The following DENND3 variants were observed in gnomAD, a reference collection of about 807,000 sequenced individuals.
DENND3 encodes the protein DENN domain containing 3.
DENND3 carries 88 observed loss-of-function variants against 135.1 expected under a neutral mutation model. The ratio of observed to expected loss-of-function variants is 0.65; its 90% CI spans 0.55 to 0.78. The LOEUF is 0.78. Ranked by LOEUF, DENND3 falls within the 30% of genes least tolerant of loss-of-function variation. The pLI is 0.00. For missense variants in DENND3, 1,392 were observed against 1,688.4 expected, an observed-to-expected ratio of 0.82 and a Z score of 3.08; for synonymous variants, 693 against 712.3, an observed-to-expected ratio of 0.97 and a Z score of 0.43.
At chr8:141,165,749 C>CCACCACT (rs1342340232) in intron 11 of DENND3, among the ~76,000 whole-genome samples, 5 of 152,216 alleles carry the variant, frequency 3.3e-5, no homozygotes, top group African/African-American at 9.6e-5. Flanking sequence ...CAGGCATGAG[C>CCACCACT]CACCACTCCT....
rs1390330734 is a variant in DENND3 at position 141,165,292 on chromosome 8, G to C, written c.1553+3G>C. On this transcript the variant is annotated splice_donor_region_variant and intron_variant, in intron 11 of 22. Coordinates refer to ENST00000519811, the MANE Select transcript of DENND3 (RefSeq NM_001352890.3). ...GACACCCAGTCGGAGGAGGACAGGT[G>C]CTTCACTGTTGTGTTTTGGATCTGC... 1.2e-6 allele frequency: 2 copies of C among 1,612,678 alleles called. No individual in the cohort carries two copies. Among genetic ancestry groups the C allele is most frequent in the Non-Finnish European group, 1.7e-6 (2 of 1,178,658 alleles).
At chr8:141,156,185 T>C (rs982220477) in intron 8 of DENND3, among the ~76,000 whole-genome samples, 3 of 152,068 alleles carry the variant, frequency 2.0e-5, no homozygotes, top group Non-Finnish European at 4.4e-5. Flanking sequence ...CTGCAACCTC[T>C]GCCTCCCACG....
Position 141,168,544 on chromosome 8 carries a change from C to G in DENND3, c.2275+19C>G, listed in dbSNP as rs768639529. The stretch of plus-strand genomic sequence containing the variant: ...ACTGTAGGTAAGAGGAGGCCTGGCA[C>G]CATCACAGATTTTATTATTTAGAGA... On this transcript the variant is annotated intron_variant, in intron 13 of 22. Coordinates refer to ENST00000519811, the MANE Select transcript of DENND3 (RefSeq NM_001352890.3). This position sits in a 1 kb window ranked among gnomAD's most constrained non-coding sequence, Gnocchi z 6.2. 1 of 1,585,436 alleles carries G rather than the reference C, an allele frequency of 6.3e-7. No homozygotes were observed. The highest frequency in any genetic ancestry group is 8.6e-7 in the Non-Finnish European group (1 of 1,163,052).
chr8:141,190,147 GTTA>G (rs906764770), intron 19 of DENND3, 134 bp from the exon 20 acceptor site: 134 of 1,179,474 alleles, frequency 1.1e-4, no homozygotes, highest in Non-Finnish European at 1.4e-4. Flanking sequence ...ATGTTTGCAT[GTTA>G]TTATCATGTT....
intron 5 of DENND3, chr8:141,150,303 T>C (rs1032873283): frequency 7.8e-7 from 1 of 1,282,986 alleles, no homozygotes; most frequent in Non-Finnish European, 1.0e-6. Flanking sequence ...CGTGTCTCAG[T>C]AGCCATTCTG....
At chr8:141,151,416 C>T (rs1818781985) in intron 6 of DENND3, among the ~76,000 whole-genome samples, 1 of 152,084 alleles carries the variant, frequency 6.6e-6, no homozygotes, top group Admixed American at 6.6e-5. Flanking sequence ...TTACAATGAG[C>T]TGGATGTGGA....
rs1589737175 is a variant in DENND3, at chr8:141,194,286, C to G, written c.*53C>G. The stretch of plus-strand genomic sequence containing the variant: ...GTGCCCTATGTGTGGGGACTGGCTG[C>G]CCCCTAGAGCCTGCCAGGAGCAGAA... On this transcript the variant is annotated 3_prime_UTR_variant, in exon 23 of 23. Transcript: ENST00000519811. 1.3e-6 allele frequency: 2 copies of G among 1,570,890 alleles called. No homozygotes were observed. Among genetic ancestry groups the G allele is most frequent in the Non-Finnish European group, 1.7e-6 (2 of 1,156,288 alleles).
chr8:141,192,231 C>G, intron 20 of DENND3, 100 bp from the exon 21 acceptor site: 1 of 1,493,598 alleles, frequency 6.7e-7, no homozygotes, highest in Non-Finnish European at 9.0e-7. Context: ...TGATCCCCCC[C>G]ATCACCACGC....
In DENND3 at chr8:141,194,257, A is replaced by G; in HGVS notation, c.*24A>G. 1 of 1,605,860 alleles carries G rather than the reference A, an allele frequency of 6.2e-7. No individual in the cohort carries two copies. Among genetic ancestry groups the G allele is most frequent in the South Asian group, 1.1e-5 (1 of 89,324 alleles). On this transcript the variant is annotated 3_prime_UTR_variant, in exon 23 of 23. Transcript: ENST00000519811. Reference sequence around the variant, plus strand: ...AAACGTGGCTGAGTCTGCCAAGTGGAACTGTGCCCTATGTGTGGGGACTGG... The same window carrying G: ...AAACGTGGCTGAGTCTGCCAAGTGGGACTGTGCCCTATGTGTGGGGACTGG...
chr8:141,168,628 C>T lies in DENND3; in HGVS notation c.2275+103C>T. 4 of 1,397,352 alleles carry T rather than the reference C, an allele frequency of 2.9e-6. No individual in the cohort carries two copies. Among genetic ancestry groups the T allele is most frequent in the Non-Finnish European group, 3.8e-6 (4 of 1,044,920 alleles). The allele number at this position is 1,397,352 out of a possible 1,614,324, so 86.6% of individuals were successfully genotyped here. ...ACTGGCAATCACAGCTCACTGCAAC[C>T]TCCACCTCCTGGGCTCAAGCAGTCC... On this transcript the variant is annotated intron_variant, in intron 13 of 22. Transcript: ENST00000519811. This position sits in a 1 kb window ranked among gnomAD's most constrained non-coding sequence, Gnocchi z 6.2.
chr8:141,129,512 T>C (rs1815674641), intron 1 of DENND3: 1 of 152,168 alleles, frequency 6.6e-6, no homozygotes, highest in Non-Finnish European at 1.5e-5. Context: ...TTTTGGAAAT[T>C]CTCGTTTTCC....
intron 8 of DENND3, among the ~76,000 whole-genome samples, chr8:141,160,204 G>C (rs1301450352): frequency 7.1e-6 from 1 of 141,750 alleles, no homozygotes; most frequent in Non-Finnish European, 1.5e-5. Context: ...TTAAGACAGA[G>C]TTTCGCTCCT....
At chr8:141,183,918 C>T (rs988397284) in intron 17 of DENND3, among the ~76,000 whole-genome samples, 3 of 152,140 alleles carry the variant, frequency 2.0e-5, no homozygotes, top group African/African-American at 7.2e-5. Flanking sequence ...GCGTGCTTTC[C>T]GCCAGGGGTC....
In DENND3 at chr8:141,182,576, T is replaced by C; in HGVS notation, c.2944+1722T>C. 1.2e-6 allele frequency: 1 copy of C among 815,942 alleles called. No individual in the cohort carries two copies. Among genetic ancestry groups the C allele is most frequent in the Non-Finnish European group, 1.5e-6 (1 of 676,154 alleles). 50.5% of individuals were successfully genotyped at this position (815,942 alleles called of 1,614,324 possible). A position where few individuals can be genotyped will look rare whatever the true frequency, so the allele number is the denominator to read the frequency against. On this transcript the variant is annotated intron_variant, in intron 17 of 22. Transcript: ENST00000519811. This position sits in a 1 kb window ranked among gnomAD's most constrained non-coding sequence, Gnocchi z 5.9. ...GGCGAGGAGTTCAGGCGGCTTCCCC[T>C]CCAGGAGCATCTCGAAGGCCTGCAG... is the stretch of plus-strand genomic sequence containing the variant.
Position 141,155,308 on chromosome 8 carries a change from A to T in DENND3, c.1075-541A>T, listed in dbSNP as rs557620280. On this transcript the variant is annotated intron_variant, in intron 7 of 22. Transcript: ENST00000519811. ...CAATTAAGAAAAATAAGAGAAAGGC[A>T]TATTTAATCAAATTTAGCCCATTAA... Among the ~76,000 whole-genome samples the T allele has an allele frequency of 7.9e-5, 12 of 152,334 alleles. No individual in the cohort carries two copies. The South Asian group carries it at 2.1e-3, about 26-fold the overall frequency.
rs1817051939 is a variant in DENND3, at chr8:141,138,532, C to T, written c.501+395C>T. 6.6e-6 allele frequency among the ~76,000 whole-genome samples: 1 copy of T among 151,904 alleles called. No individual in the cohort carries two copies. The highest frequency in any genetic ancestry group is 1.5e-5 in the Non-Finnish European group (1 of 67,980). Reference sequence around the variant, plus strand: ...TCCCGAGTAGCTGGGATTACAGGTGCCCACCACCATGCCCAGCTAATTTTT... The same window carrying T: ...TCCCGAGTAGCTGGGATTACAGGTGTCCACCACCATGCCCAGCTAATTTTT... On this transcript the variant is annotated intron_variant, in intron 3 of 22. Transcript: ENST00000519811. The surrounding 1 kb of genome is among the most constrained non-coding windows in gnomAD (Gnocchi z 4.8).
At position 141,156,617 on chromosome 8, in the gene DENND3, G is replaced by A. The variant is rs567503129; in HGVS notation, c.1196+647G>A. ...ACTAGATGTGTATTGCATACCCGTC[G>A]TATACCCGGAATTGGGCAGTGCCTG... On this transcript the variant is annotated intron_variant, in intron 8 of 22. Transcript: ENST00000519811. 1.4e-3 allele frequency among the ~76,000 whole-genome samples: 217 copies of A among 151,914 alleles called. 1 individual carries two copies. Among genetic ancestry groups the A allele is most frequent in the Non-Finnish European group, 2.3e-3 (156 of 67,946 alleles).
intron 16 of DENND3, among the ~76,000 whole-genome samples, chr8:141,179,637 GGAGCTGAA>G (rs1158461383): frequency 1.3e-5 from 2 of 152,268 alleles, no homozygotes; most frequent in African/African-American, 4.8e-5. Context: ...GTCCGAGGCA[GGAGCTGAA>G]GAGGCGTTGG....
chr8:141,175,085 G>A lies in DENND3; in HGVS notation c.2276-115G>A. On this transcript the variant is annotated intron_variant, in intron 13 of 22. Coordinates refer to ENST00000519811, the MANE Select transcript of DENND3 (RefSeq NM_001352890.3). The surrounding 1 kb of genome is among the most constrained non-coding windows in gnomAD (Gnocchi z 5.4). ...TCCATCCAGCGCCCTGAGTGCTGGC[G>A]CCACCTGCTGCCGGGTTCCGGTAGT... 6 of 1,273,964 alleles carry A rather than the reference G, an allele frequency of 4.7e-6. No homozygotes were observed. Among genetic ancestry groups the A allele is most frequent in the Non-Finnish European group, 6.5e-6 (6 of 926,748 alleles). 78.9% of individuals were successfully genotyped at this position (1,273,964 alleles called of 1,614,324 possible).
Sources: allele counts gnomAD v4.1 joint callset (sites outside exome capture counted in the v4.1 genomes callset), GRCh38; gene constraint gnomAD v4.1.1; non-coding constraint Gnocchi (gnomAD v3.1); transcripts MANE v1.5; gene names NCBI Gene and HGNC (gene_info 2026-07-23, HGNC 2026-07-21).